The following ADAM9 variants were observed in gnomAD, a reference collection of about 807,000 sequenced individuals.
The protein encoded by ADAM9 is disintegrin and metalloproteinase domain-containing protein 9.
Under a neutral mutation model 108.1 loss-of-function variants are expected in ADAM9, and 54 were observed. The ratio of observed to expected loss-of-function variants is 0.50; its 90% CI spans 0.40 to 0.63. The LOEUF (loss-of-function observed/expected upper bound fraction) is 0.63. Among genes scored for constraint, ADAM9 ranks in the 20% least tolerant of loss-of-function variants. The pLI is 0.00. For missense variants in ADAM9, 830 were observed against 997.7 expected (o/e 0.83, Z 2.26); for synonymous variants, 316 against 336.0 (o/e 0.94, Z 0.65).
At chr8:39,016,262 C>T (rs1014869867) in intron 5 of ADAM9, 68 bp downstream of exon 5, 1 of 1,397,476 alleles carries the variant, frequency 7.2e-7, no homozygotes, top group Non-Finnish European at 1.0e-6. Context: ...CTGTTTCTGT[C>T]TCCAAATTAA....
intron 11 of ADAM9, among the ~76,000 whole-genome samples, chr8:39,037,886 A>G (rs1233546254): frequency 6.6e-6 from 1 of 152,194 alleles, no homozygotes; most frequent in East Asian, 1.9e-4. Flanking sequence ...AATAGGCTCA[A>G]ACTCCTGTGA....
Position 39,045,178 on chromosome 8 carries a change from A to G in ADAM9, c.1302+3061A>G, listed in dbSNP as rs186915188. Among the ~76,000 whole-genome samples, 34 of 119,632 alleles carry G rather than the reference A, an allele frequency of 2.8e-4. 3 individuals are homozygous for G. The East Asian group carries it at 4.9e-3, about 17-fold the overall frequency. 78.5% of individuals were successfully genotyped at this position (119,632 alleles called of 152,430 possible). The stretch of plus-strand genomic sequence containing the variant: ...TGTATACATACATATATGTGTATAT[A>G]TGTGTATACATACATATATGTGTAT... On this transcript the variant is annotated intron_variant, in intron 12 of 21. Coordinates refer to ENST00000487273, the MANE Select transcript of ADAM9 (RefSeq NM_003816.3).
At chr8:39,035,527 A>G (rs1358504528) in intron 11 of ADAM9, among the ~76,000 whole-genome samples, 1 of 152,126 alleles carries the variant, frequency 6.6e-6, no homozygotes, top group Admixed American at 6.6e-5. Flanking sequence ...TTTTTTAAGA[A>G]TAATTTCTAG....
Position 39,101,838 on chromosome 8 carries a change from A to G in ADAM9, c.2299-25A>G, listed in dbSNP as rs755698135. 23 of 1,574,978 alleles carry G rather than the reference A, an allele frequency of 1.5e-5. No homozygotes were observed. In the Admixed American group the frequency reaches 3.7e-4, roughly 25 times the overall value. On this transcript the variant is annotated intron_variant, in intron 20 of 21. Transcript: ENST00000487273. The stretch of plus-strand genomic sequence containing the variant: ...ATATTTATGAGCACATAGTGGTAAT[A>G]ACCTTATTTTTTTTTTCTTTTTAGC...
intron 15 of ADAM9, among the ~76,000 whole-genome samples, chr8:39,074,417 C>A (rs369449500): frequency 2.0e-5 from 3 of 152,014 alleles, no homozygotes; most frequent in South Asian, 2.1e-4. Flanking sequence ...ACCAATATAT[C>A]CCAGACCAAG....
chr8:39,071,397 C>T lies in ADAM9; in HGVS notation c.1691C>T (p.Ala564Val), dbSNP rs1406340100. The T allele has an allele frequency of 1.2e-6, 2 of 1,612,370 alleles. No individual in the cohort carries two copies. Among genetic ancestry groups the T allele is most frequent in the African/African-American group, 1.3e-5 (1 of 74,802 alleles). The part of the protein sequence containing the change: ...GFSGNEYKKC[A>V]TGNALCGKLQ... ...TCTGGCAATGAATACAAGAAGTGTG[C>T]CACTGGGTAAGTGGAGGTGCGGTCA... The change falls in exon 15 of 22, where the codon GCC (alanine) becomes GTC (valine). Residue 564 changes from alanine (A) to valine (V), a missense_variant. This residue lies in a region of ADAM9 where 381 missense variants were observed against 539.8 expected (regional missense o/e 0.71). Coordinates refer to ENST00000487273, the MANE Select transcript of ADAM9 (RefSeq NM_003816.3).
intron 16 of ADAM9, among the ~76,000 whole-genome samples, chr8:39,077,905 G>A (rs1457626246): frequency 6.6e-6 from 1 of 152,204 alleles, no homozygotes; most frequent in African/African-American, 2.4e-5. Flanking sequence ...ATAAAATTAA[G>A]GAGGGTAATT....
At chr8:39,005,703 G>GT (rs1836139238) in intron 1 of ADAM9, among the ~76,000 whole-genome samples, 1 of 152,168 alleles carries the variant, frequency 6.6e-6, no homozygotes, top group Non-Finnish European at 1.5e-5. Flanking sequence ...TTAATGTCAG[G>GT]TGTACTATAG....
intron 16 of ADAM9, among the ~76,000 whole-genome samples, chr8:39,078,255 C>T (rs920655445): frequency 2.7e-5 from 4 of 150,564 alleles, no homozygotes; most frequent in Non-Finnish European, 5.9e-5. Context: ...CTGTTATAAA[C>T]AATGATAAGA....
rs1837666475 is a variant in ADAM9, at chr8:39,045,283, T to TATGTGTGTATACACCTATAC, written c.1302+3174_1302+3175insATACACCTATACATGTGTGT. 2.0e-5 allele frequency among the ~76,000 whole-genome samples: 2 copies of TATGTGTGTATACACCTATAC among 100,124 alleles called. 1 individual carries two copies. Among genetic ancestry groups the TATGTGTGTATACACCTATAC allele is most frequent in the African/African-American group, 9.1e-5 (2 of 22,080 alleles). The allele number at this position is 100,124 out of a possible 152,430, so 65.7% of individuals were successfully genotyped here. ...ATATATGTGTATACATACATATGTA[T>TATGTGTGTATACACCTATAC]ATGTGTGTGTACACCTATACATGTG... On this transcript the variant is annotated intron_variant, in intron 12 of 21. Transcript: ENST00000487273.
rs140544245 is a variant in ADAM9, at chr8:39,103,669, C to T, written c.2429C>T (p.Pro810Leu). Reference sequence around the variant, plus strand: ...AACTTAATTCCTGCCCGTCCTGCTCCTGCACCTCCTTTATATAGTTCCCTC... The same window carrying T: ...AACTTAATTCCTGCCCGTCCTGCTCTTGCACCTCCTTTATATAGTTCCCTC... ...QGNLIPARPA[P>L]APPLYSSLT Residue 810 changes from proline (P) to leucine (L), a missense_variant, in exon 22 of 22, where the codon CCT (proline) becomes CTT (leucine). By Grantham distance (98) the Pro-to-Leu change is moderately conservative. Around this residue, in one of 3 missense-constraint regions of ADAM9, gnomAD observed 238 missense variants for 235.7 expected, o/e 1.01. Coordinates refer to ENST00000487273, the MANE Select transcript of ADAM9 (RefSeq NM_003816.3). 17 of 1,614,020 alleles carry T rather than the reference C, an allele frequency of 1.1e-5. No homozygotes were observed. In the African/African-American group the frequency reaches 1.9e-4, roughly 18 times the overall value.
At chr8:39,014,358 A>C (rs758709363) in intron 4 of ADAM9, 2 of 538,468 alleles carry the variant, frequency 3.7e-6, no homozygotes, top group South Asian at 5.9e-5. Flanking sequence ...TTTTTTGTTG[A>C]AAGTTAATAT....
chr8:39,045,081 T>C lies in ADAM9; in HGVS notation c.1302+2964T>C, dbSNP rs1427161714. On this transcript the variant is annotated intron_variant, in intron 12 of 21. Transcript: ENST00000487273. ...GTGTGCATACATACATATGTGTGTG[T>C]GCATACATACATATGTGTGTGTGCA... is the stretch of plus-strand genomic sequence containing the variant. Among the ~76,000 whole-genome samples the C allele has an allele frequency of 4.6e-4, 14 of 30,482 alleles. 2 individuals carry two copies. The highest frequency in any genetic ancestry group is 2.6e-4 in the Non-Finnish European group (4 of 15,648). 20.0% of individuals were successfully genotyped at this position (30,482 alleles called of 152,430 possible).
Position 38,996,986 on chromosome 8 carries a change from C to A in ADAM9, c.-78C>A, listed in dbSNP as rs757772999. 1.3e-6 allele frequency: 2 copies of A among 1,544,304 alleles called. No individual in the cohort carries two copies. The highest frequency in any genetic ancestry group is 2.4e-5 in the East Asian group (1 of 41,858). On this transcript the variant is annotated 5_prime_UTR_variant, in exon 1 of 22. Coordinates refer to ENST00000487273, the MANE Select transcript of ADAM9 (RefSeq NM_003816.3). ...CGCTTCCCGGCCAGACTTGGGGCCCCGGCAGGGTTGGAAAATGATGGAAGA... is the reference window on the plus strand; with the variant it reads ...CGCTTCCCGGCCAGACTTGGGGCCCAGGCAGGGTTGGAAAATGATGGAAGA...
At chr8:39,002,959 A>G (rs1187986957) in intron 1 of ADAM9, among the ~76,000 whole-genome samples, 3 of 150,454 alleles carry the variant, frequency 2.0e-5, no homozygotes, top group Non-Finnish European at 4.4e-5. Context: ...GCTCACTGCA[A>G]CCTCCCCATC....
chr8:39,019,610 A>C (rs924167840), intron 7 of ADAM9, among the ~76,000 whole-genome samples: 1 of 152,120 alleles, frequency 6.6e-6, no homozygotes, highest in Non-Finnish European at 1.5e-5. Flanking sequence ...ACAGCTGTGT[A>C]ATTTAAAAAA....
rs1838168648 is a variant in ADAM9, at chr8:39,057,641, C to G, written c.1591+1869C>G. On this transcript the variant is annotated intron_variant, in intron 14 of 21. Coordinates refer to ENST00000487273, the MANE Select transcript of ADAM9 (RefSeq NM_003816.3). Reference sequence around the variant, plus strand: ...TAGTGTTTCAGTTCAATTCCAAAGGCAGGAAAAAAGCTGATGTCTCATTCC... The same window carrying G: ...TAGTGTTTCAGTTCAATTCCAAAGGGAGGAAAAAAGCTGATGTCTCATTCC... Among the ~76,000 whole-genome samples the G allele has an allele frequency of 1.3e-5, 2 of 152,120 alleles. 1 individual carries two copies. Among genetic ancestry groups the G allele is most frequent in the South Asian group, 4.2e-4 (2 of 4,812 alleles).
chr8:39,037,050 C>CTTTTT (rs58876607), intron 11 of ADAM9, among the ~76,000 whole-genome samples: 16 of 78,620 alleles, frequency 2.0e-4, no homozygotes, highest in Non-Finnish European at 2.2e-4. Flanking sequence ...TGCGCAAGTT[C>CTTTTT]TTTTTTTTTT....
At chr8:39,045,671 A>G (rs1239790858) in intron 12 of ADAM9, among the ~76,000 whole-genome samples, 1 of 151,900 alleles carries the variant, frequency 6.6e-6, no homozygotes, top group Non-Finnish European at 1.5e-5. Context: ...TGCTGCAATG[A>G]GCATATGAGT....
Sources: allele counts gnomAD v4.1 joint callset (sites outside exome capture counted in the v4.1 genomes callset), GRCh38; gene constraint gnomAD v4.1.1; regional missense constraint gnomAD v4.1.1; transcripts MANE v1.5; gene names NCBI Gene and HGNC (gene_info 2026-07-23, HGNC 2026-07-21).